SYNPR: variants seen among roughly 807,000 people sequenced by gnomAD.
The protein encoded by SYNPR is synaptoporin.
In SYNPR, 23 loss-of-function variants were observed where a neutral mutation model predicts 32.9. The ratio of observed to expected loss-of-function variants is 0.70; its 90% CI spans 0.50 to 0.99. The LOEUF is 0.99. SYNPR is among the 50% of genes least tolerant of loss of function. The probability of loss-of-function intolerance (pLI) is 0.00; values close to 1 mark genes in which losing one functional copy is unlikely to be tolerated. For missense variants in SYNPR, 318 were observed against 349.3 expected, an observed-to-expected ratio of 0.91 and a Z score of 0.71; for synonymous variants, 146 against 135.9, an observed-to-expected ratio of 1.07 and a Z score of -0.52.
At chr3:63,436,798 C>T (rs1316947693) in intron 2 of SYNPR, among the ~76,000 whole-genome samples, 1 of 152,160 alleles carries the variant, frequency 6.6e-6, no homozygotes, top group African/African-American at 2.4e-5. Context: ...GTGCCTCAAT[C>T]GGATTTCCAT....
At chr3:63,251,501 T>A (rs940768425) in intron 1 of SYNPR, among the ~76,000 whole-genome samples, 14 of 152,096 alleles carry the variant, frequency 9.2e-5, no homozygotes, top group African/African-American at 3.4e-4. Flanking sequence ...AGATCCACAA[T>A]TTTGGCAGTG....
At chr3:63,414,039 CAG>C (rs1290725993) in intron 2 of SYNPR, among the ~76,000 whole-genome samples, 4 of 149,624 alleles carry the variant, frequency 2.7e-5, no homozygotes, top group African/African-American at 9.8e-5. Context: ...GAGAGAGAGA[CAG>C]AGAGGGAGAG....
rs1425718636 is a variant in SYNPR, at chr3:63,265,347, G to T, written n.155-1970G>T. ...GCTCAATGCAAACTCCGCCTCCCAG[G>T]CTCAAGTGATTCTTCTGCCTCAGCC... On this transcript the variant is annotated intron_variant and non_coding_transcript_variant, in intron 2 of 4. Transcript: ENST00000478456. Among the ~76,000 whole-genome samples the T allele has an allele frequency of 1.5e-4, 22 of 147,582 alleles. 1 individual carries two copies. In the Admixed American group the frequency reaches 1.5e-3, roughly 10 times the overall value.
chr3:63,560,104 T>C (rs1702661031), intron 4 of SYNPR, among the ~76,000 whole-genome samples: 1 of 152,228 alleles, frequency 6.6e-6, no homozygotes, highest in Non-Finnish European at 1.5e-5. Flanking sequence ...TATAATACAA[T>C]GGTAGGTTTT....
chr3:63,581,992 T>C (rs1263966401), intron 4 of SYNPR, among the ~76,000 whole-genome samples: 2 of 152,132 alleles, frequency 1.3e-5, no homozygotes. Context: ...AAATGTTTGC[T>C]TCCCAGGTGT....
chr3:63,480,148 C>G (rs1480789788), intron 2 of SYNPR, among the ~76,000 whole-genome samples: 1 of 151,894 alleles, frequency 6.6e-6, no homozygotes, highest in East Asian at 1.9e-4. Context: ...ATTATTGGTG[C>G]CTGGTTCCCC....
At chr3:63,208,550 C>T in the SYNPR span, among the ~76,000 whole-genome samples, 5 of 152,196 alleles carry the variant, frequency 3.3e-5, no homozygotes, top group Admixed American at 3.3e-4. Flanking sequence ...AGTACTTTCC[C>T]ACAGAACTCA....
intron 1 of SYNPR, among the ~76,000 whole-genome samples, chr3:63,252,216 C>G (rs926814850): frequency 1.3e-5 from 2 of 152,108 alleles, no homozygotes; most frequent in Admixed American, 1.3e-4. Flanking sequence ...ATGAATGACA[C>G]AGTCAACTGT....
intron 2 of SYNPR, among the ~76,000 whole-genome samples, chr3:63,383,587 G>A (rs2088002277): frequency 6.6e-6 from 1 of 152,120 alleles, no homozygotes; most frequent in South Asian, 2.1e-4. Context: ...CATGATTGCA[G>A]TGAGCCGAGA....
chr3:63,369,959 T>C (rs756783108), intron 2 of SYNPR, among the ~76,000 whole-genome samples: 15 of 152,336 alleles, frequency 9.8e-5, no homozygotes, highest in Non-Finnish European at 1.6e-4. Flanking sequence ...TCTTATCTCA[T>C]GACCATTTTG....
At chr3:63,221,194 T>C in the SYNPR span, among the ~76,000 whole-genome samples, 1 of 151,990 alleles carries the variant, frequency 6.6e-6, no homozygotes, top group Non-Finnish European at 1.5e-5. Flanking sequence ...AAGTGGAGGG[T>C]TGAACTTGAA....
In SYNPR at chr3:63,278,428, C is replaced by T. The variant is rs1304951294; in HGVS notation, c.-106C>T. On this transcript the variant is annotated 5_prime_UTR_variant, in exon 1 of 6. Transcript: ENST00000478300. ...CGCCGGGCTGCTCCAGGGTGTCGCTCCTCTGGCTGCTCCCGAAGGGGCTTC... is the reference window on the plus strand; with the variant it reads ...CGCCGGGCTGCTCCAGGGTGTCGCTTCTCTGGCTGCTCCCGAAGGGGCTTC... The T allele has an allele frequency of 2.8e-6, 4 of 1,415,456 alleles. No homozygotes were observed. Among genetic ancestry groups the T allele is most frequent in the African/African-American group, 1.4e-5 (1 of 69,212 alleles). The allele number at this position is 1,415,456 out of a possible 1,614,324, so 87.7% of individuals were successfully genotyped here.
At chr3:63,505,985 T>G (rs1180444812) in intron 3 of SYNPR, among the ~76,000 whole-genome samples, 1 of 152,080 alleles carries the variant, frequency 6.6e-6, no homozygotes, top group Non-Finnish European at 1.5e-5. Context: ...TAGCTCTGTC[T>G]GTTGTTCTGG....
At chr3:63,609,513 T>C (rs937995023) in intron 5 of SYNPR, among the ~76,000 whole-genome samples, 197 bp downstream of exon 5, 2 of 152,222 alleles carry the variant, frequency 1.3e-5, no homozygotes, top group Non-Finnish European at 2.9e-5. Context: ...TCATTTGTAA[T>C]GTTGCCGATT....
intron 4 of SYNPR, among the ~76,000 whole-genome samples, chr3:63,581,612 C>T (rs570003935): frequency 6.6e-6 from 1 of 152,178 alleles, no homozygotes; most frequent in East Asian, 1.9e-4. Flanking sequence ...ATGATCCCCA[C>T]AGTGAGAGCT....
rs567078251 is a variant in SYNPR, at chr3:63,271,658, A to T, written n.287+4209A>T. Among the ~76,000 whole-genome samples the T allele has an allele frequency of 2.6e-5, 4 of 152,210 alleles. No individual in the cohort carries two copies. In the East Asian group the frequency reaches 7.7e-4, roughly 29 times the overall value. On this transcript the variant is annotated intron_variant and non_coding_transcript_variant, in intron 3 of 4. Coordinates refer to the SYNPR transcript ENST00000478456. ...TAAAACAGAAGTAAAATTATTAGAG[A>T]TTGTACATATTGCAAAGCAAAACTC...
chr3:63,330,436 C>T (rs576810690), intron 2 of SYNPR: 3 of 138,112 alleles, frequency 2.2e-5, no homozygotes, highest in Non-Finnish European at 4.8e-5. Context: ...GGGGATCTAC[C>T]TTTCTGTCTC....
At chr3:63,537,258 CTCTA>C (rs1469893713) in intron 3 of SYNPR, among the ~76,000 whole-genome samples, 5 of 152,086 alleles carry the variant, frequency 3.3e-5, no homozygotes, top group Non-Finnish European at 7.4e-5. Flanking sequence ...TATGTACACA[CTCTA>C]CCCTTTGTCT....
At chr3:63,394,088 C>T (rs111544842) in intron 2 of SYNPR, among the ~76,000 whole-genome samples, 4 of 152,086 alleles carry the variant, frequency 2.6e-5, no homozygotes, top group Non-Finnish European at 5.9e-5. Context: ...GCCAATACTT[C>T]CCCCCTACCA....
Sources: gnomAD v4.1 joint callset for allele counts (sites outside exome capture counted in the v4.1 genomes callset) on GRCh38, gnomAD v4.1.1 for gene constraint, MANE v1.5 for transcripts, NCBI Gene and HGNC (gene_info 2026-07-23, HGNC 2026-07-21) for gene names.